Variants in FAR1 observed in about 807,000 individuals in gnomAD.
FAR1 encodes male sterility domain-containing protein 2.
Under a neutral mutation model 61.1 loss-of-function variants are expected in FAR1, and 22 were observed. The observed-to-expected ratio is 0.36, with a 90% CI of 0.26 to 0.51. The LOEUF is 0.51. Among genes scored for constraint, FAR1 ranks in the 20% least tolerant of loss-of-function variants. The pLI, the probability that FAR1 is intolerant of heterozygous loss-of-function variation, is 0.95. For synonymous variants in FAR1, 206 were observed against 209.7 expected (o/e 0.98, Z 0.15); for missense variants, 359 against 626.9 (o/e 0.57, Z 4.56).
chr11:13,714,456 A>T (rs1848533620), intron 8 of FAR1, 53 bp from the exon 9 acceptor site: 1 of 1,498,936 alleles, frequency 6.7e-7, no homozygotes, highest in Non-Finnish European at 9.0e-7. Flanking sequence ...TTTTTTTTCA[A>T]AACTTCATTA....
At position 13,715,852 on chromosome 11, in the gene FAR1, A is replaced by T. The variant is rs927089843; in HGVS notation, c.1127+1172A>T. 3.9e-5 allele frequency: 6 copies of T among 152,288 alleles called. No homozygotes were observed. In the East Asian group the frequency reaches 1.2e-3, roughly 29 times the overall value. 9.4% of individuals were successfully genotyped at this position (152,288 alleles called of 1,614,324 possible). On this transcript the variant is annotated intron_variant, in intron 9 of 11. Transcript: ENST00000354817. ...ATTTGAGTATTTTTGTATAAAGAAG[A>T]TGCTGATCCCAGAACTTCCATCAAC...
intron 10 of FAR1, among the ~76,000 whole-genome samples, chr11:13,723,919 C>T (rs866942353): frequency 3.4e-4 from 52 of 152,214 alleles, no homozygotes; most frequent in African/African-American, 1.2e-3. Context: ...TTTCTTGAAA[C>T]ATATTAAATA....
intron 3 of FAR1, 177 bp downstream of exon 3, chr11:13,700,669 T>G (rs1591263620): frequency 5.8e-6 from 2 of 345,868 alleles, no homozygotes; most frequent in Middle Eastern, 7.9e-4. Flanking sequence ...CTTCTCAGTT[T>G]AAAAATCTTG....
At chr11:13,681,799 C>T (rs1848130389) in intron 1 of FAR1, among the ~76,000 whole-genome samples, 1 of 152,150 alleles carries the variant, frequency 6.6e-6, no homozygotes. Context: ...TTTTAAAACA[C>T]TAAGTTTTAG....
At chr11:13,712,625 T>G (rs1848512510) in intron 7 of FAR1, among the ~76,000 whole-genome samples, 1 of 152,130 alleles carries the variant, frequency 6.6e-6, no homozygotes, top group African/African-American at 2.4e-5. Context: ...TCCATAATTT[T>G]TTTTCAGCTA....
intron 1 of FAR1, among the ~76,000 whole-genome samples, chr11:13,671,217 C>G (rs867345009): frequency 6.6e-6 from 1 of 152,112 alleles, no homozygotes; most frequent in South Asian, 2.1e-4. Flanking sequence ...TTTGAGCCAT[C>G]ATGTGAACTA....
At chr11:13,725,384 T>G (rs1401848429) in intron 10 of FAR1, among the ~76,000 whole-genome samples, 7 of 151,516 alleles carry the variant, frequency 4.6e-5, no homozygotes, top group Non-Finnish European at 8.8e-5. Flanking sequence ...TATATAGTGG[T>G]ATAACAAAAT....
chr11:13,696,764 G>C (rs1458431896), intron 2 of FAR1, among the ~76,000 whole-genome samples: 1 of 152,102 alleles, frequency 6.6e-6, no homozygotes, highest in Non-Finnish European at 1.5e-5. Flanking sequence ...TTGCTGGTGA[G>C]TCCATAAAAA....
intron 8 of FAR1, 82 bp downstream of exon 8, chr11:13,713,115 A>G (rs1848517644): frequency 2.4e-6 from 3 of 1,236,582 alleles, no homozygotes; most frequent in South Asian, 1.2e-5. Flanking sequence ...TAGAATACCT[A>G]TGAGGCATTA....
At chr11:13,691,827 TTGAG>T (rs944983917) in intron 1 of FAR1, among the ~76,000 whole-genome samples, 2 of 152,148 alleles carry the variant, frequency 1.3e-5, no homozygotes, top group Non-Finnish European at 2.9e-5. Flanking sequence ...CTGCTATAGA[TTGAG>T]TATCCCTAAT....
At chr11:13,680,685 G>T (rs796773892) in intron 1 of FAR1, among the ~76,000 whole-genome samples, 1 of 152,000 alleles carries the variant, frequency 6.6e-6, no homozygotes, top group African/African-American at 2.4e-5. Context: ...TGAGAACTGA[G>T]CCAGTTCTCA....
chr11:13,694,910 G>A lies in FAR1; in HGVS notation c.145G>A (p.Gly49Arg). The change falls in exon 2 of 12, where the codon GGA (glycine) becomes AGA (arginine). Residue 49 changes from glycine (G) to arginine (R), a missense_variant. This residue lies in a region of FAR1 where 344 missense variants were observed against 570.3 expected (regional missense o/e 0.60). Transcript: ENST00000354817. ...ATATGTTTTGGTGAGGCAGAAAGCTGGACAGACACCACAAGAGCGAGTGGA... is the reference window on the plus strand; with the variant it reads ...ATATGTTTTGGTGAGGCAGAAAGCTAGACAGACACCACAAGAGCGAGTGGA... ...SVYVLVRQKA[G>R]QTPQERVEEV... 1 of 1,613,894 alleles carries A rather than the reference G, an allele frequency of 6.2e-7. No individual in the cohort carries two copies. The highest frequency in any genetic ancestry group is 1.1e-5 in the South Asian group (1 of 91,060).
chr11:13,709,490 G>A (rs1024208872), intron 4 of FAR1, among the ~76,000 whole-genome samples: 1 of 152,100 alleles, frequency 6.6e-6, no homozygotes, highest in Non-Finnish European at 1.5e-5. Context: ...GTAAGCTAAT[G>A]CTGTATCTCC....
At chr11:13,717,149 C>T (rs1304268416) in intron 9 of FAR1, among the ~76,000 whole-genome samples, 3 of 151,900 alleles carry the variant, frequency 2.0e-5, no homozygotes, top group Non-Finnish European at 2.9e-5. Context: ...TCCTGCCTTC[C>T]CCCTCGCGCC....
intron 2 of FAR1, 92 bp from the exon 3 acceptor site, chr11:13,700,225 A>G (rs1346723986): frequency 1.1e-6 from 1 of 908,548 alleles, no homozygotes; most frequent in Non-Finnish European, 1.7e-6. Context: ...TTCTAAAAAA[A>G]TAGTCATCCT....
In FAR1 at chr11:13,729,471, G is replaced by C. The variant is rs926076819; in HGVS notation, c.*697G>C. 1 of 151,866 alleles carries C rather than the reference G, an allele frequency of 6.6e-6. No homozygotes were observed. Among genetic ancestry groups the C allele is most frequent in the Non-Finnish European group, 1.5e-5 (1 of 67,814 alleles). 9.4% of individuals were successfully genotyped at this position (151,866 alleles called of 1,614,324 possible). A position where few individuals can be genotyped will look rare whatever the true frequency, so the allele number is the denominator to read the frequency against. ...TTGAGAATCCATATCAGCAACATAC[G>C]TGTTTTTTGACAGAAAGTGAAAACA... On this transcript the variant is annotated 3_prime_UTR_variant, in exon 12 of 12. Coordinates refer to ENST00000354817, the MANE Select transcript of FAR1 (RefSeq NM_032228.6).
At chr11:13,715,144 C>T (rs941854929) in intron 9 of FAR1, among the ~76,000 whole-genome samples, 2 of 151,946 alleles carry the variant, frequency 1.3e-5, no homozygotes, top group South Asian at 2.1e-4. Context: ...TCAGAAACCG[C>T]GGTAAGAAGA....
At chr11:13,702,652 A>G (rs1310230465) in intron 3 of FAR1, among the ~76,000 whole-genome samples, 1 of 152,150 alleles carries the variant, frequency 6.6e-6, no homozygotes, top group African/African-American at 2.4e-5. Flanking sequence ...TATTTCCTTC[A>G]TAGACAAAAG....
chr11:13,718,317 T>G (rs1296541910), intron 9 of FAR1, among the ~76,000 whole-genome samples: 1 of 152,210 alleles, frequency 6.6e-6, no homozygotes, highest in East Asian at 1.9e-4. Context: ...AATAGTTCAT[T>G]TTTTTAAGAT....
Sources: allele counts gnomAD v4.1 joint callset (sites outside exome capture counted in the v4.1 genomes callset), GRCh38; gene constraint gnomAD v4.1.1; regional missense constraint gnomAD v4.1.1; transcripts MANE v1.5; gene names NCBI Gene and HGNC (gene_info 2026-07-23, HGNC 2026-07-21).